Variants in ETV1 observed in about 807,000 individuals in gnomAD.
ETV1 encodes ETS translocation variant 1.
In ETV1, 27 loss-of-function variants were observed where a neutral mutation model predicts 62.3. The observed-to-expected ratio is 0.43, with a 90% CI of 0.32 to 0.60. The LOEUF (loss-of-function observed/expected upper bound fraction) is 0.60. ETV1 is among the 20% of genes least tolerant of loss of function. The probability of loss-of-function intolerance (pLI) is 0.06; values close to 1 mark genes in which losing one functional copy is unlikely to be tolerated. For missense variants in ETV1, 605 were observed against 605.8 expected, an observed-to-expected ratio of 1.00 and a Z score of 0.01; for synonymous variants, 222 against 199.6, an observed-to-expected ratio of 1.11 and a Z score of -0.94.
At chr7:13,900,946 A>G in intron 12 of ETV1, 107 bp from the exon 13 acceptor site, 1 of 667,976 alleles carries the variant, frequency 1.5e-6, no homozygotes, top group Non-Finnish European at 2.5e-6. Flanking sequence ...TGTCCAACTC[A>G]AGGATATAAG....
In ETV1 at chr7:13,892,101, CAT is replaced by C. The variant is rs1230021843; in HGVS notation, c.*3763_*3764del. ...TGCAATTGTTCTTTTGAGTAATAGA[CAT>C]ATTTTACACATTGTTCTTACCTAAT... On this transcript the variant is annotated 3_prime_UTR_variant, in exon 14 of 14. Coordinates refer to ENST00000430479, the MANE Select transcript of ETV1 (RefSeq NM_004956.5). 2.6e-5 allele frequency: 6 copies of C among 232,228 alleles called. No homozygotes were observed. In the East Asian group the frequency reaches 3.7e-4, roughly 14 times the overall value. The allele number at this position is 232,228 out of a possible 1,614,324, so 14.4% of individuals were successfully genotyped here.
intron 9 of ETV1, among the ~76,000 whole-genome samples, chr7:13,923,911 T>C (rs1785129400): frequency 6.6e-6 from 1 of 152,036 alleles, no homozygotes; most frequent in South Asian, 2.1e-4. Context: ...GGCGCACGCC[T>C]GTGATCCCAG....
rs750341642 is a variant in ETV1, at chr7:13,972,309, G to A, written c.235+5118C>T. On this transcript the variant is annotated intron_variant, in intron 6 of 13. Transcript: ENST00000430479. ...TGGCCGGGCATGGTGGTGCGTGCCT[G>A]TAGTCCCAGCTACTTGGGAGGCTGA... 8.3e-4 allele frequency among the ~76,000 whole-genome samples: 126 copies of A among 152,072 alleles called. No individual in the cohort carries two copies. In the Middle Eastern group the frequency reaches 0.014, roughly 16 times the overall value.
intron 5 of ETV1, among the ~76,000 whole-genome samples, chr7:13,984,409 C>T (rs1192014662): frequency 1.3e-5 from 2 of 151,714 alleles, no homozygotes; most frequent in East Asian, 1.9e-4. Flanking sequence ...TAGCTAATAC[C>T]GTTCAAGAGG....
intron 9 of ETV1, among the ~76,000 whole-genome samples, chr7:13,919,549 AACT>A (rs1784579537): frequency 8.1e-6 from 1 of 124,088 alleles, no homozygotes; most frequent in African/African-American, 3.3e-5. Flanking sequence ...TGTTAGAAAC[AACT>A]AAATAGAAAC....
At chr7:13,952,475 T>A (rs1294549803) in intron 6 of ETV1, among the ~76,000 whole-genome samples, 1 of 152,128 alleles carries the variant, frequency 6.6e-6, no homozygotes, top group East Asian at 1.9e-4. Context: ...TAGCAAAGGG[T>A]GGCAACCAAT....
At chr7:13,903,909 A>C (rs1421368466) in intron 12 of ETV1, among the ~76,000 whole-genome samples, 1 of 152,182 alleles carries the variant, frequency 6.6e-6, no homozygotes, top group African/African-American at 2.4e-5. Context: ...AAACACACTG[A>C]GCAGATAATC....
chr7:13,906,018 A>G (rs1782918100), intron 12 of ETV1, among the ~76,000 whole-genome samples: 1 of 152,120 alleles, frequency 6.6e-6, no homozygotes, highest in African/African-American at 2.4e-5. Flanking sequence ...TTGTCCAAAT[A>G]ATGATTGCTA....
At chr7:13,986,072 C>G in intron 5 of ETV1, 1 of 1,395,372 alleles carries the variant, frequency 7.2e-7, no homozygotes, top group Admixed American at 2.1e-5. Context: ...TCATATCTCC[C>G]ATTTATTTTA....
At chr7:13,986,413 G>C in intron 5 of ETV1, 1 of 1,485,228 alleles carries the variant, frequency 6.7e-7, no homozygotes, top group Non-Finnish European at 8.9e-7. Flanking sequence ...ATGTGATTGT[G>C]AGCTGGAAGC....
intron 6 of ETV1, among the ~76,000 whole-genome samples, chr7:13,971,102 G>C (rs1780861880): frequency 6.6e-6 from 1 of 152,152 alleles, no homozygotes. Flanking sequence ...CTCCTGAGTA[G>C]CTGGGATTAC....
Position 13,927,799 on chromosome 7 carries a change from T to C in ETV1, c.802+3703A>G, listed in dbSNP as rs548767375. Among the ~76,000 whole-genome samples, 6 of 152,334 alleles carry C rather than the reference T, an allele frequency of 3.9e-5. No individual in the cohort carries two copies. The South Asian group carries it at 8.3e-4, about 21-fold the overall frequency. On this transcript the variant is annotated intron_variant, in intron 9 of 13. Coordinates refer to ENST00000430479, the MANE Select transcript of ETV1 (RefSeq NM_004956.5). ...AGGCCCTGGTTATGGGGTTACTATA[T>C]TTATTTTAAATCCTGTCAGAAAGAT...
At chr7:13,959,882 CAAAAAAAAAAA>C (rs35605197) in intron 6 of ETV1, among the ~76,000 whole-genome samples, 1 of 56,708 alleles carries the variant, frequency 1.8e-5, no homozygotes, top group African/African-American at 4.1e-5. Flanking sequence ...GATTCTGTCT[CAAAAAAAAAAA>C]AAAAAAAAAA....
At chr7:13,930,594 T>C (rs966449364) in intron 9 of ETV1, among the ~76,000 whole-genome samples, 19 of 152,052 alleles carry the variant, frequency 1.2e-4, no homozygotes, top group South Asian at 6.2e-4. Flanking sequence ...GTGCTGGGAT[T>C]ACAGGCGTGA....
chr7:13,918,465 G>A (rs962525645), intron 9 of ETV1, among the ~76,000 whole-genome samples: 4 of 152,030 alleles, frequency 2.6e-5, no homozygotes, highest in African/African-American at 9.7e-5. Flanking sequence ...CAATAGCAAA[G>A]ACTTGGAACC....
At chr7:13,966,613 C>T (rs1031456322) in intron 6 of ETV1, among the ~76,000 whole-genome samples, 26 of 152,098 alleles carry the variant, frequency 1.7e-4, no homozygotes, top group African/African-American at 5.8e-4. Flanking sequence ...TGCCACTGCA[C>T]TCCAGACTGG....
chr7:13,891,849 A>C lies in ETV1; in HGVS notation c.*4017T>G. On this transcript the variant is annotated 3_prime_UTR_variant, in exon 14 of 14. Coordinates refer to ENST00000430479, the MANE Select transcript of ETV1 (RefSeq NM_004956.5). ...CCATACCAAATCGCAAATGGAAAAT[A>C]GCTTACTCACTTCTTATTTTTAAAT... 1 of 231,600 alleles carries C rather than the reference A, an allele frequency of 4.3e-6. No homozygotes were observed. Among genetic ancestry groups the C allele is most frequent in the Non-Finnish European group, 8.5e-6 (1 of 117,116 alleles). 14.3% of individuals were successfully genotyped at this position (231,600 alleles called of 1,614,324 possible).
chr7:13,986,826 C>T (rs1782593443), intron 4 of ETV1, 141 bp from the exon 5 acceptor site: 2 of 673,846 alleles, frequency 3.0e-6, no homozygotes, highest in Non-Finnish European at 5.0e-6. Flanking sequence ...AAAAAAGAGG[C>T]ATAACTTAAA....
intron 11 of ETV1, chr7:13,907,658 A>G: frequency 3.6e-6 from 1 of 280,252 alleles, no homozygotes; most frequent in Non-Finnish European, 7.6e-6. Context: ...AGGGCCCTGC[A>G]AGTATGTCAT....
Sources: allele counts gnomAD v4.1 joint callset (sites outside exome capture counted in the v4.1 genomes callset), GRCh38; gene constraint gnomAD v4.1.1; transcripts MANE v1.5; gene names NCBI Gene and HGNC (gene_info 2026-07-23, HGNC 2026-07-21).